Variants in TTC23L observed in about 807,000 individuals in gnomAD.
The protein encoded by TTC23L is tetratricopeptide repeat protein 23-like.
A neutral mutation model predicts 48.1 loss-of-function variants in TTC23L; 42 were observed. The ratio of observed to expected loss-of-function variants is 0.87; its 90% CI spans 0.68 to 1.13. TTC23L has a LOEUF of 1.13. Among genes scored for constraint, TTC23L ranks in the 50% most tolerant of loss-of-function variants. TTC23L has a pLI of 0.00. For missense variants in TTC23L, 391 were observed against 421.0 expected (o/e 0.93, Z 0.62); for synonymous variants, 159 against 157.2 (o/e 1.01, Z -0.09).
chr5:34,864,516 TG>T lies in TTC23L; in HGVS notation c.617del (p.Cys206LeufsTer10). The T allele has an allele frequency of 6.2e-7, 1 of 1,613,898 alleles. No individual in the cohort carries two copies. Among genetic ancestry groups the T allele is most frequent in the Non-Finnish European group, 8.5e-7 (1 of 1,179,816 alleles). ...GAAAGAATTATATAAAGGAGGTGTT[TG>T]TGAATTACAAGTCTCTGAGAACGAC... On this transcript the variant is annotated frameshift_variant, in exon 6 of 11. Transcript: ENST00000505624. LOFTEE classifies it high-confidence loss of function.
exon 3 of TTC23L, chr5:34,845,623 A>C: frequency 6.2e-7 from 1 of 1,613,846 alleles, no homozygotes; most frequent in Non-Finnish European, 8.5e-7. Flanking sequence ...TCCCAAAGAG[A>C]AATTAGCCCA....
chr5:34,844,333 A>T (rs940042703), intron 2 of TTC23L, among the ~76,000 whole-genome samples: 1 of 152,174 alleles, frequency 6.6e-6, no homozygotes, highest in Non-Finnish European at 1.5e-5. Context: ...GTTAATTAGA[A>T]TAGAACTCTA....
chr5:34,842,186 A>G (rs1561115941), intron 2 of TTC23L, among the ~76,000 whole-genome samples: 1 of 152,262 alleles, frequency 6.6e-6, no homozygotes, highest in African/African-American at 2.4e-5. Flanking sequence ...TTTTATTTCA[A>G]TATATACAAA....
At chr5:34,925,388 C>G in the TTC23L span, 8 of 1,613,840 alleles carry the variant, frequency 5.0e-6, no homozygotes, top group Non-Finnish European at 6.8e-6. Context: ...AATAGAAATA[C>G]AGTGGGTAAA....
chr5:34,854,672 C>T (rs1759976878), intron 4 of TTC23L, among the ~76,000 whole-genome samples: 1 of 152,210 alleles, frequency 6.6e-6, no homozygotes. Flanking sequence ...GTCATCAGCC[C>T]TGCTTTGCTC....
the TTC23L span, chr5:34,916,053 A>G: frequency 1.9e-5 from 16 of 843,810 alleles, no homozygotes; most frequent in African/African-American, 2.8e-4. Flanking sequence ...CTGGGCACGG[A>G]GTTTGCAGCT....
intron 8 of TTC23L, among the ~76,000 whole-genome samples, chr5:34,877,270 A>AT (rs1446721430): frequency 6.6e-6 from 1 of 152,068 alleles, no homozygotes; most frequent in Non-Finnish European, 1.5e-5. Context: ...CTCATTTATG[A>AT]TTAAAAACTC....
the TTC23L span, chr5:34,920,584 A>G: frequency 8.5e-5 from 13 of 152,218 alleles, no homozygotes; most frequent in Admixed American, 7.9e-4. Flanking sequence ...GACAGGCCAT[A>G]AACAAGGTTT....
At chr5:34,913,233 ACAATC>A in the TTC23L span, among the ~76,000 whole-genome samples, 3 of 152,206 alleles carry the variant, frequency 2.0e-5, no homozygotes, top group African/African-American at 7.2e-5. Flanking sequence ...GTTCGAATTT[ACAATC>A]CCTCAAAGCC....
At chr5:34,853,007 G>C (rs551919435) in intron 4 of TTC23L, among the ~76,000 whole-genome samples, 1 of 152,134 alleles carries the variant, frequency 6.6e-6, no homozygotes, top group Non-Finnish European at 1.5e-5. Flanking sequence ...CCCTGTGATT[G>C]AATTACCTCC....
chr5:34,899,897 C>A (rs1464835734), downstream of TTC23L, among the ~76,000 whole-genome samples: 2 of 151,692 alleles, frequency 1.3e-5, no homozygotes, highest in African/African-American at 4.8e-5. Flanking sequence ...TCAAAAAAAA[C>A]AAACAAAAAA....
the TTC23L span, chr5:34,923,416 T>C: frequency 1.7e-6 from 1 of 591,220 alleles, no homozygotes; most frequent in Non-Finnish European, 3.0e-6. Context: ...TAGCTGGGAT[T>C]ACAAGCACCC....
At chr5:34,922,351 A>C in the TTC23L span, 1 of 1,095,082 alleles carries the variant, frequency 9.1e-7, no homozygotes, top group South Asian at 1.4e-5. Flanking sequence ...TGTACCTTTT[A>C]TGTTATAGAC....
At chr5:34,860,424 T>G (rs1760515928) in intron 4 of TTC23L, among the ~76,000 whole-genome samples, 1 of 152,238 alleles carries the variant, frequency 6.6e-6, no homozygotes, top group Admixed American at 6.5e-5. Flanking sequence ...CAGACAACCT[T>G]GCATTATTAC....
the TTC23L span, chr5:34,922,862 C>T: frequency 1.5e-6 from 2 of 1,323,014 alleles, no homozygotes; most frequent in African/African-American, 1.5e-5. Flanking sequence ...TAGTTTCACC[C>T]CCACCTTGGT....
chr5:34,840,363 G>A (rs991159480), intron 1 of TTC23L, among the ~76,000 whole-genome samples: 1 of 151,998 alleles, frequency 6.6e-6, no homozygotes, highest in African/African-American at 2.4e-5. Context: ...GAGTTAAGTA[G>A]GTGACCATAG....
the TTC23L span, chr5:34,911,653 A>G: frequency 4.3e-6 from 7 of 1,614,136 alleles, no homozygotes; most frequent in East Asian, 1.6e-4. Context: ...CTGCAGAATA[A>G]TTTTATTAAT....
At chr5:34,918,817 C>CTTTTTTTTTTTTTT in the TTC23L span, 1 of 132,332 alleles carries the variant, frequency 7.6e-6, no homozygotes. Flanking sequence ...CTTTTTGGGC[C>CTTTTTTTTTTTTTT]TTTTTTTTTT....
chr5:34,897,499 A>T (rs1260223456), intron 10 of TTC23L, among the ~76,000 whole-genome samples: 1 of 152,084 alleles, frequency 6.6e-6, no homozygotes. Context: ...TTATATTTTA[A>T]ATTTGTAGTG....
Sources: gnomAD v4.1 joint callset for allele counts (sites outside exome capture counted in the v4.1 genomes callset) on GRCh38, gnomAD v4.1.1 for gene constraint, MANE v1.5 for transcripts, NCBI Gene and HGNC (gene_info 2026-07-23, HGNC 2026-07-21) for gene names.